The following FAS variants were observed in gnomAD, a reference collection of about 807,000 sequenced individuals.
The protein encoded by FAS is tumor necrosis factor receptor superfamily member 6.
In FAS, 5 loss-of-function variants were observed where a neutral mutation model predicts 33.2. The ratio of observed to expected loss-of-function variants is 0.15; its 90% CI spans 0.08 to 0.32. The LOEUF (loss-of-function observed/expected upper bound fraction) is 0.32, where lower values mean the gene tolerates loss of function less well. FAS is among the 10% of genes least tolerant of loss of function. The pLI is 1.00. For synonymous variants in FAS, 131 were observed against 130.7 expected, an observed-to-expected ratio of 1.00 and a Z score of -0.01; for missense variants, 339 against 386.0, an observed-to-expected ratio of 0.88 and a Z score of 1.02.
chr10:89,008,578 CA>C (rs752120962), intron 3 of FAS, among the ~76,000 whole-genome samples: 1 of 152,188 alleles, frequency 6.6e-6, no homozygotes, highest in African/African-American at 2.4e-5. Flanking sequence ...ACATTTTTAA[CA>C]AGCTCCCAGG....
At chr10:88,979,463 A>C (rs998047870) in intron 2 of FAS, among the ~76,000 whole-genome samples, 1 of 152,204 alleles carries the variant, frequency 6.6e-6, no homozygotes, top group African/African-American at 2.4e-5. Context: ...GGAACCCTTA[A>C]AATGTAGGCT....
intron 2 of FAS, chr10:88,973,627 AGCTGAACTAACCTCAAAGG>A (rs1210431857): frequency 2.9e-5 from 6 of 207,126 alleles, no homozygotes; most frequent in Non-Finnish European, 4.8e-5. Context: ...AAAATGCTTA[AGCTGAACTAACCTCAAAGG>A]GCCCTCATTA....
rs1032092306 is a variant in FAS at position 89,011,090 on chromosome 10, A to T, written c.568+275A>T. ...GCAGCAGCAGAATTGGCCAAAAATC[A>T]GAAGCAATTCTTCACTATTCATTGA... On this transcript the variant is annotated intron_variant, in intron 6 of 8. Transcript: ENST00000652046. 5 of 522,806 alleles carry T rather than the reference A, an allele frequency of 9.6e-6. 1 individual carries two copies. The South Asian group carries it at 1.1e-4, about 11-fold the overall frequency. 32.4% of individuals were successfully genotyped at this position (522,806 alleles called of 1,614,324 possible). A position where few individuals can be genotyped will look rare whatever the true frequency, so the allele number is the denominator to read the frequency against.
chr10:89,002,960 G>T (rs1041743583), intron 1 of FAS, 69 bp from the exon 2 acceptor site: 7 of 1,585,226 alleles, frequency 4.4e-6, no homozygotes, highest in Non-Finnish European at 6.0e-6. Context: ...TTTTGGGTGG[G>T]TTACACTTGT....
chr10:88,970,695 A>C (rs1353732087), intron 1 of FAS, among the ~76,000 whole-genome samples: 1 of 152,160 alleles, frequency 6.6e-6, no homozygotes, highest in Non-Finnish European at 1.5e-5. Flanking sequence ...CAGGAAGAGG[A>C]ACATCACACA....
At chr10:88,990,197 C>T (rs1381175412), upstream of FAS, among the ~76,000 whole-genome samples, 1 of 152,198 alleles carries the variant, frequency 6.6e-6, no homozygotes, top group African/African-American at 2.4e-5. This position sits in a 1 kb window ranked among gnomAD's most constrained non-coding sequence, Gnocchi z 4.9. Context: ...GGTTAACTGT[C>T]CATTCCAGAA....
chr10:88,999,456 G>T (rs1303297610), intron 1 of FAS, among the ~76,000 whole-genome samples: 1 of 152,080 alleles, frequency 6.6e-6, no homozygotes, highest in Admixed American at 6.6e-5. Flanking sequence ...TATTGAGCTC[G>T]TATGGAAGGG....
intron 1 of FAS, among the ~76,000 whole-genome samples, chr10:89,001,933 G>T (rs1475644568): frequency 2.0e-5 from 3 of 152,146 alleles, no homozygotes; most frequent in Non-Finnish European, 4.4e-5. Context: ...CTGGAGGGAG[G>T]GGAACACAAA....
In FAS at chr10:88,990,938, C is replaced by G; in HGVS notation, c.30+32C>G. On this transcript the variant is annotated intron_variant, in intron 1 of 8. Transcript: ENST00000652046. This position sits in a 1 kb window ranked among gnomAD's most constrained non-coding sequence, Gnocchi z 4.9. Reference sequence around the variant, plus strand: ...CCTCTCCTGCCCGGGTGGAGGCTTACCCCGTCTTAGTCCCGGGGATAGGCA... The same window carrying G: ...CCTCTCCTGCCCGGGTGGAGGCTTAGCCCGTCTTAGTCCCGGGGATAGGCA... 1 of 1,614,090 alleles carries G rather than the reference C, an allele frequency of 6.2e-7. No homozygotes were observed. The highest frequency in any genetic ancestry group is 8.5e-7 in the Non-Finnish European group (1 of 1,179,952).
At chr10:88,976,504 C>T (rs1194721862) in intron 2 of FAS, among the ~76,000 whole-genome samples, 1 of 152,176 alleles carries the variant, frequency 6.6e-6, no homozygotes, top group African/African-American at 2.4e-5. Flanking sequence ...ATAGTCCTTC[C>T]ATTGTACTGA....
At chr10:89,010,501 G>T (rs548519860) in intron 4 of FAS, 38 bp from the exon 5 acceptor site, 19 of 1,559,058 alleles carry the variant, frequency 1.2e-5, no homozygotes, top group Middle Eastern at 1.7e-4. Flanking sequence ...GAATTATTCT[G>T]CCAGGCTTTT....
chr10:89,010,400 T>C, intron 4 of FAS, 139 bp from the exon 5 acceptor site: 1 of 705,658 alleles, frequency 1.4e-6, no homozygotes, highest in East Asian at 2.7e-5. Flanking sequence ...TAGATACTAA[T>C]TTAGAAATAT....
chr10:88,965,027 T>A (rs1007290238), intron 1 of FAS, among the ~76,000 whole-genome samples: 6 of 152,156 alleles, frequency 3.9e-5, no homozygotes, highest in Non-Finnish European at 8.8e-5. Context: ...GAGCCGGGGA[T>A]AGCTTCCCTT....
At chr10:88,987,595 G>A (rs1420137956), upstream of FAS, among the ~76,000 whole-genome samples, 1 of 152,152 alleles carries the variant, frequency 6.6e-6, no homozygotes, top group Non-Finnish European at 1.5e-5. Flanking sequence ...CAAATCCAAT[G>A]AAAAAGAAAG....
chr10:89,012,367 C>T, intron 7 of FAS: 1 of 343,936 alleles, frequency 2.9e-6, no homozygotes, highest in South Asian at 2.6e-5. Context: ...TTTATAGAGA[C>T]AGGGTTCACT....
chr10:88,982,255 A>G (rs552986402), upstream of FAS, among the ~76,000 whole-genome samples: 3 of 152,346 alleles, frequency 2.0e-5, no homozygotes, highest in Admixed American at 6.5e-5. Context: ...GAATGAAATC[A>G]TATTTATAAA....
rs1346254966 is a variant in FAS, at chr10:89,015,069, C to T, written c.*619C>T. 1 of 534,288 alleles carries T rather than the reference C, an allele frequency of 1.9e-6. No homozygotes were observed. Among genetic ancestry groups the T allele is most frequent in the Non-Finnish European group, 3.6e-6 (1 of 276,442 alleles). 33.1% of individuals were successfully genotyped at this position (534,288 alleles called of 1,614,324 possible). ...ATACAATATTTCAATTGTGAATTCA[C>T]ATAGAAAACATTAAATTATAATGTT... On this transcript the variant is annotated 3_prime_UTR_variant, in exon 9 of 9. Coordinates refer to ENST00000652046, the MANE Select transcript of FAS (RefSeq NM_000043.6).
chr10:89,005,789 C>A (rs899253974), intron 2 of FAS, among the ~76,000 whole-genome samples: 6 of 152,012 alleles, frequency 3.9e-5, no homozygotes, highest in African/African-American at 1.5e-4. Context: ...AGGAGCACAC[C>A]ACAACACCGG....
chr10:89,012,124 T>C (rs3740282), intron 7 of FAS, 43 bp downstream of exon 7: 7 of 1,505,200 alleles, frequency 4.7e-6, no homozygotes, highest in East Asian at 2.3e-5. Context: ...AAAAGAAAAA[T>C]AGAGAAATTA....
Sources: allele counts gnomAD v4.1 joint callset (sites outside exome capture counted in the v4.1 genomes callset), GRCh38; gene constraint gnomAD v4.1.1; non-coding constraint Gnocchi (gnomAD v3.1); transcripts MANE v1.5; gene names NCBI Gene and HGNC (gene_info 2026-07-23, HGNC 2026-07-21).